HCFC1: variants seen among roughly 807,000 people sequenced by gnomAD.
The protein encoded by HCFC1 is host cell factor 1.
Under a neutral mutation model 105.5 loss-of-function variants are expected in HCFC1, and 7 were observed. The observed-to-expected ratio is 0.07, with a 90% CI of 0.04 to 0.12. HCFC1 has a LOEUF of 0.12. Ranked by LOEUF, HCFC1 falls within the 10% of genes least tolerant of loss-of-function variation. HCFC1 has a pLI of 1.00. For missense variants in HCFC1, 1,065 were observed against 1,823.6 expected (o/e 0.58, Z 7.58); for synonymous variants, 918 against 828.1 (o/e 1.11, Z -1.86).
At position 153,964,869 on chromosome X, in the gene HCFC1, A is replaced by AC. The variant is rs782589596; in HGVS notation, c.194-144dup. The AC allele has an allele frequency of 9.2e-6, 5 of 543,606 alleles. No individual in the cohort carries two copies. The South Asian group carries it at 2.2e-4, about 24-fold the overall frequency. The allele number at this position is 543,606 out of a possible 1,213,427, so 44.8% of individuals were successfully genotyped here. A position where few individuals can be genotyped will look rare whatever the true frequency, so the allele number is the denominator to read the frequency against. ...GCGCTCTAGCAACTCCAGCTGCGCT[A>AC]CCTGGGCCATCTTCCAAACCCCTCG... On this transcript the variant is annotated intron_variant, in intron 1 of 25. Coordinates refer to ENST00000310441, the MANE Select transcript of HCFC1 (RefSeq NM_005334.3).
In HCFC1 at chrX:153,963,439, G is replaced by A. The variant is rs782367407; in HGVS notation, c.504-6C>T. 4.2e-6 allele frequency: 5 copies of A among 1,183,939 alleles called. No homozygotes were observed. The highest frequency in any genetic ancestry group is 5.9e-5 in the East Asian group (2 of 33,645). On this transcript the variant is annotated splice_polypyrimidine_tract_variant and splice_region_variant and intron_variant, in intron 3 of 25. Transcript: ENST00000310441. Reference sequence around the variant, plus strand: ...TATATAAGTCATTCAGGTACCTGACGAGGAAAGATCAGTTACGGCAAGTCT... The same window carrying A: ...TATATAAGTCATTCAGGTACCTGACAAGGAAAGATCAGTTACGGCAAGTCT...
At chrX:153,955,935 T>TAGAACACC (rs2065371682) in intron 16 of HCFC1, among the ~76,000 whole-genome samples, 1 of 113,237 alleles carries the variant, frequency 8.8e-6, no homozygotes, top group Non-Finnish European at 1.9e-5. Flanking sequence ...CGGCGTCCTG[T>TAGAACACC]AGAACACTGC....
intron 13 of HCFC1, 111 bp from the exon 14 acceptor site, chrX:153,957,171 T>C (rs2065385422): frequency 2.0e-6 from 2 of 1,002,025 alleles, no homozygotes; most frequent in Non-Finnish European, 2.7e-6. Context: ...GCCCATCTCC[T>C]CACTACCCTT....
At chrX:153,950,742 C>CG in intron 23 of HCFC1, 71 bp downstream of exon 23, 1 of 1,071,578 alleles carries the variant, frequency 9.3e-7, no homozygotes, top group Non-Finnish European at 1.3e-6. Flanking sequence ...ATGCCCCCCC[C>CG]CGGCCACCTC....
rs1557112380 is a variant in HCFC1, at chrX:153,951,359, G to T, written c.5508C>A (p.Val1836=). ...THYFLPPDDA[V]PSDDDLGTVP... The stretch of plus-strand genomic sequence containing the variant: ...ACCTGGGGACACTTACGTCTGATGG[G>T]ACAGCATCATCTGGTGGCAGGAAAT... Residue 1836 remains valine (V), a synonymous_variant, in exon 22 of 26, where the codon GTC becomes GTA. Transcript: ENST00000310441. 8.3e-7 allele frequency: 1 copy of T among 1,211,529 alleles called. No homozygotes were observed. Among genetic ancestry groups the T allele is most frequent in the Admixed American group, 2.2e-5 (1 of 46,074 alleles).
intron 17 of HCFC1, 99 bp downstream of exon 17, chrX:153,953,967 G>A: frequency 3.0e-6 from 3 of 1,013,215 alleles, no homozygotes; most frequent in South Asian, 4.4e-5. Flanking sequence ...CAAGGAGCCT[G>A]ACTGGTGGAC....
Position 153,952,785 on chromosome X carries a change from C to G in HCFC1, c.4671G>C (p.Ser1557=). 8.3e-7 allele frequency: 1 copy of G among 1,207,159 alleles called. No individual in the cohort carries two copies. Residue 1557 remains serine (S), a synonymous_variant, in exon 19 of 26, where the codon TCG becomes TCC. Transcript: ENST00000310441. ...VDLSSTGEPS[S]GQESAGSAVV... ...CCGCAGAGCCGGCAGACTCCTGGCC[C>G]GAAGATGGCTCCCCTGTGCTGCTCA...
Position 153,956,730 on chromosome X carries a change from T to G in HCFC1, c.2530A>C (p.Thr844Pro). Reference sequence around the variant, plus strand: ...CCCATGGGCACAGTGCGGAGGATGGTGCCTGGCTGTCCCGGGGCCCCCTTA... The same window carrying G: ...CCCATGGGCACAGTGCGGAGGATGGGGCCTGGCTGTCCCGGGGCCCCCTTA... ...VLKGAPGQPG[T>P]ILRTVPMGGV... is the part of the protein sequence containing the mutation. Residue 844 changes from threonine (T) to proline (P), a missense_variant, in exon 15 of 26, where the codon ACC (threonine) becomes CCC (proline). By Grantham distance (38) the Thr-to-Pro change is conservative (BLOSUM62 -1). Around this residue, in one of 17 missense-constraint regions of HCFC1, gnomAD observed 137 missense variants for 378.2 expected, o/e 0.36. Coordinates refer to ENST00000310441, the MANE Select transcript of HCFC1 (RefSeq NM_005334.3). The G allele has an allele frequency of 8.3e-7, 1 of 1,209,579 alleles. No homozygotes were observed. The highest frequency in any genetic ancestry group is 1.1e-6 in the Non-Finnish European group (1 of 895,137).
rs1210772032 is a variant in HCFC1 at position 153,971,728 on chromosome X, A to G, written c.-888T>C. The G allele has an allele frequency of 3.4e-6, 1 of 297,878 alleles. No homozygotes were observed. The highest frequency in any genetic ancestry group is 4.7e-5 in the East Asian group (1 of 21,056). The allele number at this position is 297,878 out of a possible 1,213,427, so 24.5% of individuals were successfully genotyped here. On this transcript the variant is annotated 5_prime_UTR_variant, in exon 1 of 26. Transcript: ENST00000310441. Reference sequence around the variant, plus strand: ...CCCACAGGAGCCGCTTCAAAGAGCTAGAGTTAGGCCCCGAAGCGGCAACTG... The same window carrying G: ...CCCACAGGAGCCGCTTCAAAGAGCTGGAGTTAGGCCCCGAAGCGGCAACTG...
In HCFC1 at chrX:153,956,263, G is replaced by A. The variant is rs1189976359; in HGVS notation, c.2784C>T (p.Ala928=). Residue 928 remains alanine, a synonymous_variant, in exon 16 of 26, where the codon GCC becomes GCT. Transcript: ENST00000310441. ...TLSSQVINPT[A]ITVSAAQTTL... Reference sequence around the variant, plus strand: ...TGGTCTGTGCGGCCGACACAGTGATGGCAGTGGGGTTGATCACCTGGCTTG... The same window carrying A: ...TGGTCTGTGCGGCCGACACAGTGATAGCAGTGGGGTTGATCACCTGGCTTG... The A allele has an allele frequency of 5.0e-6, 6 of 1,211,580 alleles. No individual in the cohort carries two copies. The highest frequency in any genetic ancestry group is 3.5e-5 in the African/African-American group (2 of 57,674).
intron 17 of HCFC1, 61 bp downstream of exon 17, chrX:153,954,005 T>C: frequency 8.9e-7 from 1 of 1,128,894 alleles, no homozygotes; most frequent in African/African-American, 1.8e-5. Context: ...CATCGTTGTC[T>C]TGGCCTTTCA....
rs782373042 is a variant in HCFC1, at chrX:153,949,639, G to A, written c.6005-23C>T. On this transcript the variant is annotated intron_variant, in intron 24 of 25. Coordinates refer to ENST00000310441, the MANE Select transcript of HCFC1 (RefSeq NM_005334.3). ...TTTCTGGAAGGAACGGGAGAGATGCGTGAGCAGCATTGTGACAGAACGAGA... is the reference window on the plus strand; with the variant it reads ...TTTCTGGAAGGAACGGGAGAGATGCATGAGCAGCATTGTGACAGAACGAGA... The A allele has an allele frequency of 2.6e-5, 31 of 1,176,956 alleles. No homozygotes were observed. In the East Asian group the frequency reaches 4.5e-4, roughly 17 times the overall value.
chrX:153,966,839 G>A (rs1557118486), intron 1 of HCFC1, among the ~76,000 whole-genome samples: 1 of 112,643 alleles, frequency 8.9e-6, no homozygotes, highest in Non-Finnish European at 1.9e-5. Flanking sequence ...TGGGGCTGCG[G>A]GTCAGAGTTT....
chrX:153,964,034 G>T, intron 3 of HCFC1, 90 bp downstream of exon 3: 1 of 829,047 alleles, frequency 1.2e-6, no homozygotes, highest in Non-Finnish European at 1.7e-6. Flanking sequence ...ACGGGGCTCT[G>T]CTGCGCACAT....
chrX:153,947,777 T>C lies in HCFC1; in HGVS notation c.*1570A>G, dbSNP rs1198572590. On this transcript the variant is annotated 3_prime_UTR_variant, in exon 26 of 26. Transcript: ENST00000310441. ...ACATTTTCCACAGCGAAATATACTATAATACAACAAACCAGAGGCCCTGGA... is the reference window on the plus strand; with the variant it reads ...ACATTTTCCACAGCGAAATATACTACAATACAACAAACCAGAGGCCCTGGA... 1 of 110,870 alleles carries C rather than the reference T, an allele frequency of 9.0e-6. No individual in the cohort carries two copies. The highest frequency in any genetic ancestry group is 3.3e-5 in the African/African-American group (1 of 30,392). The allele number at this position is 110,870 out of a possible 1,213,427, so 9.1% of individuals were successfully genotyped here. A position where few individuals can be genotyped will look rare whatever the true frequency, so the allele number is the denominator to read the frequency against.
At chrX:153,951,266 T>C in intron 22 of HCFC1, 84 bp downstream of exon 22, 1 of 1,071,226 alleles carries the variant, frequency 9.3e-7, no homozygotes, top group Admixed American at 2.3e-5. Context: ...GGCCCAAAGA[T>C]GGAGGAGTTT....
chrX:153,960,637 A>G (rs1338486872), intron 6 of HCFC1, among the ~76,000 whole-genome samples: 2 of 112,783 alleles, frequency 1.8e-5, no homozygotes, highest in South Asian at 3.6e-4. Flanking sequence ...CATGAGAAAC[A>G]CAGTCAGAGG....
At position 153,954,518 on chromosome X, in the gene HCFC1, C is replaced by T. The variant is rs1557113862; in HGVS notation, c.3881G>A (p.Cys1294Tyr). 11 of 1,211,513 alleles carry T rather than the reference C, an allele frequency of 9.1e-6. No homozygotes were observed. Among genetic ancestry groups the T allele is most frequent in the Non-Finnish European group, 1.1e-5 (10 of 895,296 alleles). The change falls in exon 17 of 26, where the codon TGT becomes TAT. Residue 1294 changes from cysteine (C) to tyrosine (Y), a missense_variant. Cys to Tyr is a radical substitution (Grantham distance 194). Transcript: ENST00000310441. Reference protein sequence around the residue: ...TVTQVCSNPPCETHETGTTNT... With the variant: ...TVTQVCSNPPYETHETGTTNT... ...GGTGGTGCCTGTCTCGTGGGTCTCA[C>T]ATGGTGGGTTGGAGCAGACTTGGGT...
chrX:153,954,261 C>T lies in HCFC1; in HGVS notation c.4138G>A (p.Ala1380Thr), dbSNP rs781897694. ...TCCACGGTCCTGTGGGAAGAAGTGGCGTCGGGAAGCAGGGCACCCACGCTG... is the reference window on the plus strand; with the variant it reads ...TCCACGGTCCTGTGGGAAGAAGTGGTGTCGGGAAGCAGGGCACCCACGCTG... Reference protein sequence around the residue: ...SVSVGALLPDATSSHRTVESG... With the variant: ...SVSVGALLPDTTSSHRTVESG... The change falls in exon 17 of 26, where the codon GCC becomes ACC. Residue 1380 changes from alanine to threonine, a missense_variant. Around this residue, in one of 17 missense-constraint regions of HCFC1, gnomAD observed 546 missense variants for 599.9 expected, o/e 0.91. Coordinates refer to ENST00000310441, the MANE Select transcript of HCFC1 (RefSeq NM_005334.3). 27 of 1,202,479 alleles carry T rather than the reference C, an allele frequency of 2.2e-5. No individual in the cohort carries two copies. The highest frequency in any genetic ancestry group is 3.6e-5 in the South Asian group (2 of 55,943).
Sources: allele counts gnomAD v4.1 joint callset (sites outside exome capture counted in the v4.1 genomes callset), GRCh38; gene constraint gnomAD v4.1.1; regional missense constraint gnomAD v4.1.1; transcripts MANE v1.5; gene names NCBI Gene and HGNC (gene_info 2026-07-23, HGNC 2026-07-21).